The following MYO1D variants were observed in gnomAD, a reference collection of about 807,000 sequenced individuals.
The protein encoded by MYO1D is unconventional myosin-Id.
In MYO1D, 83 loss-of-function variants were observed where a neutral mutation model predicts 122.0. The ratio of observed to expected loss-of-function variants is 0.68; its 90% CI spans 0.57 to 0.82. The LOEUF (loss-of-function observed/expected upper bound fraction) is 0.82, where lower values mean the gene tolerates loss of function less well. Ranked by LOEUF, MYO1D falls within the 40% of genes least tolerant of loss-of-function variation. The probability of loss-of-function intolerance (pLI) is 0.00; values close to 1 mark genes in which losing one functional copy is unlikely to be tolerated. For missense variants in MYO1D, 1,157 were observed against 1,269.5 expected (o/e 0.91, Z 1.35); for synonymous variants, 464 against 446.9 (o/e 1.04, Z -0.48).
chr17:32,579,396 G>A (rs1388598106), intron 21 of MYO1D, among the ~76,000 whole-genome samples: 1 of 152,094 alleles, frequency 6.6e-6, no homozygotes, highest in East Asian at 1.9e-4. Flanking sequence ...GTTCCTTTAT[G>A]TATTTGTTCG....
At chr17:32,501,623 C>T (rs761941378) in intron 21 of MYO1D, among the ~76,000 whole-genome samples, 1 of 152,174 alleles carries the variant, frequency 6.6e-6, no homozygotes, top group African/African-American at 2.4e-5. Context: ...GAGAGCTGGA[C>T]ACATGGAGGC....
In MYO1D at chr17:32,494,728, G is replaced by T; in HGVS notation, c.*31C>A. On this transcript the variant is annotated 3_prime_UTR_variant, in exon 22 of 22. Coordinates refer to ENST00000318217, the MANE Select transcript of MYO1D (RefSeq NM_015194.3). ...ACTGGGACCCAGGACTCGGAGTGTGGCCGGGCTCCGGGCCAGGCCTCCGCG... is the reference window on the plus strand; with the variant it reads ...ACTGGGACCCAGGACTCGGAGTGTGTCCGGGCTCCGGGCCAGGCCTCCGCG... 6.4e-7 allele frequency: 1 copy of T among 1,556,822 alleles called. No homozygotes were observed. Among genetic ancestry groups the T allele is most frequent in the East Asian group, 2.4e-5 (1 of 41,992 alleles).
chr17:32,607,084 C>T (rs1237500420), intron 20 of MYO1D, among the ~76,000 whole-genome samples: 6 of 151,980 alleles, frequency 3.9e-5, no homozygotes, highest in African/African-American at 7.3e-5. Flanking sequence ...CGTGTGAACC[C>T]GGGAGGCGGA....
intron 21 of MYO1D, among the ~76,000 whole-genome samples, chr17:32,579,988 C>A (rs879407223): frequency 6.6e-6 from 1 of 151,972 alleles, no homozygotes; most frequent in Non-Finnish European, 1.5e-5. Context: ...GTTTATTTCC[C>A]CTAGATAAAT....
chr17:32,780,874 C>G (rs1024305231), intron 1 of MYO1D, 90 bp from the exon 2 acceptor site: 2 of 1,240,288 alleles, frequency 1.6e-6, no homozygotes, highest in African/African-American at 1.5e-5. Flanking sequence ...CCAAGGAAGT[C>G]CAAATATCCT....
At chr17:32,774,214 CT>C (rs2090152164) in intron 4 of MYO1D, among the ~76,000 whole-genome samples, 1 of 152,188 alleles carries the variant, frequency 6.6e-6, no homozygotes, top group African/African-American at 2.4e-5. Context: ...GCTCCTTTTT[CT>C]TTATCCGACC....
chr17:32,777,798 GTGGCCGGTGCCTGTAGTCCCAGCT>G (rs2090191718), intron 3 of MYO1D, among the ~76,000 whole-genome samples: 1 of 152,130 alleles, frequency 6.6e-6, no homozygotes, highest in Non-Finnish European at 1.5e-5. Context: ...GCCGGGCGCA[GTGGCCGGTGCCTGTAGTCCCAGCT>G]ACTCGGGAAG....
intron 20 of MYO1D, among the ~76,000 whole-genome samples, chr17:32,615,252 G>A (rs2087756450): frequency 6.6e-6 from 1 of 152,224 alleles, no homozygotes; most frequent in Non-Finnish European, 1.5e-5. Context: ...GGGAATCATG[G>A]CAGGCCTTCA....
intron 1 of MYO1D, among the ~76,000 whole-genome samples, chr17:32,855,854 A>T (rs2091023592): frequency 6.6e-6 from 1 of 152,202 alleles, no homozygotes; most frequent in Non-Finnish European, 1.5e-5. Context: ...TCTTTGGATG[A>T]GGTTGTCTGA....
rs541195763 is a variant in MYO1D, at chr17:32,521,997, G to A, written c.2865-27082C>T. ...CTCAGGAGGCTGAGGCAGGAGAATTGCTTGAACCCAGCGGGCAGAAGTTGC... is the reference window on the plus strand; with the variant it reads ...CTCAGGAGGCTGAGGCAGGAGAATTACTTGAACCCAGCGGGCAGAAGTTGC... On this transcript the variant is annotated intron_variant, in intron 21 of 21. Transcript: ENST00000318217. Among the ~76,000 whole-genome samples, 188 of 143,370 alleles carry A rather than the reference G, an allele frequency of 1.3e-3. 1 individual carries two copies. The highest frequency in any genetic ancestry group is 2.2e-3 in the Non-Finnish European group (146 of 66,930). The allele number at this position is 143,370 out of a possible 152,430, so 94.1% of individuals were successfully genotyped here.
intron 21 of MYO1D, among the ~76,000 whole-genome samples, chr17:32,548,877 C>T (rs2086987562): frequency 1.3e-5 from 2 of 151,944 alleles, no homozygotes; most frequent in African/African-American, 4.8e-5. Context: ...CCGCGCCTAG[C>T]TAATTTTTGT....
At chr17:32,868,358 A>G (rs1297528367) in intron 1 of MYO1D, among the ~76,000 whole-genome samples, 5 of 152,250 alleles carry the variant, frequency 3.3e-5, no homozygotes, top group African/African-American at 1.2e-4. Flanking sequence ...TCACTTGTCC[A>G]AAGTCACACA....
chr17:32,564,458 C>A (rs1486883379), intron 21 of MYO1D, among the ~76,000 whole-genome samples: 1 of 152,222 alleles, frequency 6.6e-6, no homozygotes, highest in African/African-American at 2.4e-5. Context: ...ACAGTCAGTG[C>A]TGGAGCATAG....
At chr17:32,593,011 C>T (rs2087455288) in intron 21 of MYO1D, among the ~76,000 whole-genome samples, 1 of 152,192 alleles carries the variant, frequency 6.6e-6, no homozygotes, top group Admixed American at 6.5e-5. Flanking sequence ...CATGCTCTTC[C>T]TCAGGTTTTA....
At chr17:32,706,033 G>C (rs2089304434) in intron 16 of MYO1D, among the ~76,000 whole-genome samples, 1 of 152,138 alleles carries the variant, frequency 6.6e-6, no homozygotes, top group African/African-American at 2.4e-5. Flanking sequence ...CCAGTCTTGG[G>C]TATGTCTTTA....
In MYO1D at chr17:32,494,608, A is replaced by G. The variant is rs1341778185; in HGVS notation, c.*151T>C. 4 of 957,616 alleles carry G rather than the reference A, an allele frequency of 4.2e-6. No homozygotes were observed. Among genetic ancestry groups the G allele is most frequent in the African/African-American group, 3.3e-5 (2 of 60,208 alleles). The allele number at this position is 957,616 out of a possible 1,614,324, so 59.3% of individuals were successfully genotyped here. A position where few individuals can be genotyped will look rare whatever the true frequency, so the allele number is the denominator to read the frequency against. On this transcript the variant is annotated 3_prime_UTR_variant, in exon 22 of 22. Coordinates refer to ENST00000318217, the MANE Select transcript of MYO1D (RefSeq NM_015194.3). ...CAGAGGAAGATGATACCAAAGGCAG[A>G]AAACCAGGAAGGAAATCTTACAGGG...
At position 32,772,230 on chromosome 17, in the gene MYO1D, G is replaced by T. The variant is rs185951624; in HGVS notation, c.618+559C>A. ...TTGCCAACAGGAAGGCTATTTAAAA[G>T]ATTTTGCTTTAAAATCTAAAAGCAC... On this transcript the variant is annotated intron_variant, in intron 5 of 21. Transcript: ENST00000318217. 1.4e-3 allele frequency among the ~76,000 whole-genome samples: 217 copies of T among 152,194 alleles called. 3 individuals carry two copies. Among genetic ancestry groups the T allele is most frequent in the Middle Eastern group, 0.014 (4 of 294 alleles).
At chr17:32,796,978 G>GTT (rs374568670) in intron 1 of MYO1D, among the ~76,000 whole-genome samples, 40 of 146,346 alleles carry the variant, frequency 2.7e-4, no homozygotes, top group Non-Finnish European at 3.2e-4. Flanking sequence ...CACTTTTGTT[G>GTT]TTTTTTTTTT....
chr17:32,842,158 G>A (rs1325408446), intron 1 of MYO1D, among the ~76,000 whole-genome samples: 1 of 152,174 alleles, frequency 6.6e-6, no homozygotes, highest in Admixed American at 6.5e-5. Context: ...GGTTTTGCCA[G>A]GTGACGGTCC....
Sources: gnomAD v4.1 joint callset for allele counts (sites outside exome capture counted in the v4.1 genomes callset) on GRCh38, gnomAD v4.1.1 for gene constraint, MANE v1.5 for transcripts, NCBI Gene and HGNC (gene_info 2026-07-23, HGNC 2026-07-21) for gene names.